Variants in ABCA1 observed in about 807,000 individuals in gnomAD.
ABCA1 encodes phospholipid-transporting ATPase ABCA1.
In ABCA1, 133 loss-of-function variants were observed where a neutral mutation model predicts 262.5. That is an observed-to-expected ratio of 0.51 (90% CI 0.44 to 0.59). The LOEUF is 0.59. ABCA1 is among the 20% of genes least tolerant of loss of function. The probability of loss-of-function intolerance (pLI) is 0.00; values close to 1 mark genes in which losing one functional copy is unlikely to be tolerated. For synonymous variants in ABCA1, 1,022 were observed against 1,043.5 expected, an observed-to-expected ratio of 0.98 and a Z score of 0.40; for missense variants, 2,452 against 2,777.5, an observed-to-expected ratio of 0.88 and a Z score of 2.63.
intron 5 of ABCA1, among the ~76,000 whole-genome samples, chr9:104,862,840 T>C (rs1836758160): frequency 2.0e-5 from 3 of 147,248 alleles, no homozygotes; most frequent in African/African-American, 7.5e-5. Context: ...GACCATGTTT[T>C]GACAAACACT....
At chr9:104,810,650 T>G in intron 29 of ABCA1, 150 bp downstream of exon 29, 2 of 1,218,126 alleles carry the variant, frequency 1.6e-6, no homozygotes, top group South Asian at 1.2e-5. Context: ...TGCTGTTCTA[T>G]GCATGCAGTA....
At chr9:104,893,858 A>C (rs1210011342) in intron 2 of ABCA1, among the ~76,000 whole-genome samples, 1 of 152,196 alleles carries the variant, frequency 6.6e-6, no homozygotes, top group Non-Finnish European at 1.5e-5. Context: ...TAGAAATATC[A>C]ACAGGATCCA....
chr9:104,825,886 C>G lies in ABCA1; in HGVS notation c.2339G>C (p.Ser780Thr), dbSNP rs143626002. 5 of 1,613,876 alleles carry G rather than the reference C, an allele frequency of 3.1e-6. No individual in the cohort carries two copies. The South Asian group carries it at 4.4e-5, about 14-fold the overall frequency. Reference sequence around the variant, plus strand: ...CCCAAAAGCCACAGGAGACAGCAGGCTCTGTGAGAAACAGGCAAAGTCACC... The same window carrying G: ...CCCAAAAGCCACAGGAGACAGCAGGGTCTGTGAGAAACAGGCAAAGTCACC... ...YVGFTLKIFA[S>T]LLSPVAFGFG... Residue 780 changes from serine (S) to threonine (T), a missense_variant and splice_region_variant, in exon 17 of 50, where the codon AGC becomes ACC. Transcript: ENST00000374736.
intron 6 of ABCA1, 37 bp downstream of exon 6, chr9:104,861,642 A>G: frequency 6.2e-7 from 1 of 1,613,896 alleles, no homozygotes; most frequent in Non-Finnish European, 8.5e-7. Context: ...CGTAATTGCC[A>G]TCAGCCCTAC....
At position 104,837,017 on chromosome 9, in the gene ABCA1, G is replaced by A. The variant is rs953872972; in HGVS notation, c.1274C>T (p.Thr425Ile). ...MWEELSPKIW[T>I]FMENSQEMDL... ...CATTTCTTGGCTGTTCTCCATGAAG[G>A]TCCAGATCTTGGGGCTGAGTTCCTC... The change falls in exon 11 of 50, where the codon ACC (threonine) becomes ATC (isoleucine). Residue 425 changes from threonine (T) to isoleucine (I), a missense_variant. Physicochemically the swap from Thr to Ile is moderately conservative, Grantham distance 89. Transcript: ENST00000374736. The A allele has an allele frequency of 6.8e-6, 11 of 1,614,144 alleles. No homozygotes were observed. Among genetic ancestry groups the A allele is most frequent in the Non-Finnish European group, 8.5e-6 (10 of 1,180,018 alleles).
chr9:104,893,803 C>T (rs1839977187), intron 2 of ABCA1, among the ~76,000 whole-genome samples: 1 of 152,082 alleles, frequency 6.6e-6, no homozygotes, highest in Admixed American at 6.5e-5. Flanking sequence ...TATTTGACAC[C>T]ACGGGTGACT....
chr9:104,916,868 G>A (rs543178684), intron 1 of ABCA1, among the ~76,000 whole-genome samples: 1 of 137,856 alleles, frequency 7.3e-6, no homozygotes, highest in South Asian at 2.1e-4. Context: ...TTTTGATGAA[G>A]AAGCTGAAGT....
chr9:104,811,892 T>C (rs1831312758), intron 28 of ABCA1, among the ~76,000 whole-genome samples: 1 of 152,214 alleles, frequency 6.6e-6, no homozygotes. Flanking sequence ...TTGAGCTCTG[T>C]ATGCTCCAAA....
intron 34 of ABCA1, 114 bp from the exon 35 acceptor site, chr9:104,800,698 T>C (rs1830257727): frequency 2.2e-6 from 2 of 895,596 alleles, no homozygotes; most frequent in African/African-American, 3.3e-5. Flanking sequence ...TGCCACTACC[T>C]TGTTCACTGA....
Position 104,822,645 on chromosome 9 carries a change from G to T in ABCA1, c.2679C>A (p.Thr893=), listed in dbSNP as rs1488165673. 9.3e-6 allele frequency: 15 copies of T among 1,614,054 alleles called. No individual in the cohort carries two copies. Among genetic ancestry groups the T allele is most frequent in the East Asian group, 4.5e-5 (2 of 44,872 alleles). ...GAATGGACACGCCCAGCTTCAAGTG[G>T]GTGGGTTCCTCCTCCATGCAGACTG... The part of the protein sequence containing the change: ...ISEICMEEEP[T]HLKLGVSIQN... Residue 893 remains threonine, a synonymous_variant, in exon 19 of 50, where the codon ACC becomes ACA. Transcript: ENST00000374736.
chr9:104,908,519 T>G (rs901682047), intron 1 of ABCA1, among the ~76,000 whole-genome samples: 2 of 152,004 alleles, frequency 1.3e-5, no homozygotes, highest in Non-Finnish European at 2.9e-5. Context: ...ATATAAAAAT[T>G]AGTTGGGCGT....
chr9:104,883,116 T>C lies in ABCA1; in HGVS notation c.344A>G (p.Tyr115Cys). The C allele has an allele frequency of 6.2e-7, 1 of 1,613,698 alleles. No individual in the cohort carries two copies. ...LFSDARRLLL[Y>C]SQKDTSMKDM... is the part of the protein sequence containing the mutation. ...CTTCATGCTGGTGTCTTTCTGGCTGTATAAAAGAAGCCTCCGAGCATCTGA... is the reference window on the plus strand; with the variant it reads ...CTTCATGCTGGTGTCTTTCTGGCTGCATAAAAGAAGCCTCCGAGCATCTGA... The change falls in exon 5 of 50, where the codon TAC becomes TGC. Residue 115 changes from tyrosine (Y) to cysteine (C), a missense_variant. By Grantham distance (194) the Tyr-to-Cys change is radical. Transcript: ENST00000374736.
At chr9:104,821,581 A>G (rs1298081106) in intron 19 of ABCA1, 75 bp from the exon 20 acceptor site, 1 of 1,565,620 alleles carries the variant, frequency 6.4e-7, no homozygotes. Context: ...TTCAGTCTGC[A>G]GAGAGAACAG....
At chr9:104,826,705 T>C (rs1441353752) in intron 16 of ABCA1, among the ~76,000 whole-genome samples, 2 of 152,360 alleles carry the variant, frequency 1.3e-5, no homozygotes, top group South Asian at 2.1e-4. Flanking sequence ...AGATGCAGTC[T>C]GGCTCTCGGA....
At chr9:104,834,064 A>G (rs1019488798) in intron 11 of ABCA1, among the ~76,000 whole-genome samples, 1 of 150,014 alleles carries the variant, frequency 6.7e-6, no homozygotes, top group African/African-American at 2.4e-5. Context: ...TAAAAAAATC[A>G]GTCTTAGTTT....
At chr9:104,903,567 A>T in intron 2 of ABCA1, 47 bp downstream of exon 2, 1 of 1,548,426 alleles carries the variant, frequency 6.5e-7, no homozygotes, top group Non-Finnish European at 8.8e-7. Context: ...TCAAAACCAC[A>T]AAGAAAAAAT....
intron 7 of ABCA1, chr9:104,855,481 A>G: frequency 1.9e-6 from 1 of 520,000 alleles, no homozygotes; most frequent in Non-Finnish European, 3.1e-6. Flanking sequence ...GGATTACAAC[A>G]GATGTGAGCC....
chr9:104,917,068 A>C (rs771707954), intron 1 of ABCA1, among the ~76,000 whole-genome samples: 2 of 152,192 alleles, frequency 1.3e-5, no homozygotes, highest in Non-Finnish European at 2.9e-5. Flanking sequence ...AAATGCTATG[A>C]GAGAACAGGG....
chr9:104,840,687 G>A (rs1210477362), intron 8 of ABCA1, among the ~76,000 whole-genome samples, 168 bp from the exon 9 acceptor site: 1 of 152,190 alleles, frequency 6.6e-6, no homozygotes, highest in African/African-American at 2.4e-5. Context: ...GGATGAGCTT[G>A]CCAGAACCTG....
Sources: allele counts gnomAD v4.1 joint callset (sites outside exome capture counted in the v4.1 genomes callset), GRCh38; gene constraint gnomAD v4.1.1; transcripts MANE v1.5; gene names NCBI Gene and HGNC (gene_info 2026-07-23, HGNC 2026-07-21).